The following MTREX variants were observed in gnomAD, a reference collection of about 807,000 sequenced individuals.
MTREX encodes exosome RNA helicase MTR4.
Under a neutral mutation model 135.4 loss-of-function variants are expected in MTREX, and 76 were observed. The ratio of observed to expected loss-of-function variants is 0.56; its 90% CI spans 0.47 to 0.68. The LOEUF (loss-of-function observed/expected upper bound fraction) is 0.68, where lower values mean the gene tolerates loss of function less well. Ranked by LOEUF, MTREX falls within the 30% of genes least tolerant of loss-of-function variation. The pLI is 0.00. For synonymous variants in MTREX, 404 were observed against 401.6 expected, an observed-to-expected ratio of 1.01 and a Z score of -0.07; for missense variants, 920 against 1,262.1, an observed-to-expected ratio of 0.73 and a Z score of 4.11.
In MTREX at chr5:55,343,327, TCAGAACG is replaced by T; in HGVS notation, c.782-3_785del. The T allele has an allele frequency of 6.2e-7, 1 of 1,603,450 alleles. No homozygotes were observed. The highest frequency in any genetic ancestry group is 8.5e-7 in the Non-Finnish European group (1 of 1,175,716). ...AGTCCAAAGTATATATTTATTTTTTTCAGAACGTGGTGTAGTATGGGAAGAAACTATT... is the reference window on the plus strand; with the variant it reads ...AGTCCAAAGTATATATTTATTTTTTTTGGTGTAGTATGGGAAGAAACTATT... On this transcript the variant is annotated splice_acceptor_variant and splice_polypyrimidine_tract_variant and coding_sequence_variant and intron_variant, in exon 8 of 27. Coordinates refer to ENST00000230640, the MANE Select transcript of MTREX (RefSeq NM_015360.5). LOFTEE classifies it high-confidence loss of function.
chr5:55,364,779 G>T (rs1750073501), intron 15 of MTREX, among the ~76,000 whole-genome samples: 1 of 151,940 alleles, frequency 6.6e-6, no homozygotes, highest in Non-Finnish European at 1.5e-5. Context: ...TGCAATAATT[G>T]ATTAAAAAGG....
chr5:55,336,309 G>A (rs1251344111), intron 5 of MTREX, among the ~76,000 whole-genome samples: 1 of 152,142 alleles, frequency 6.6e-6, no homozygotes, highest in Non-Finnish European at 1.5e-5. Context: ...GAGGAAGAAA[G>A]CATTCAGTCT....
chr5:55,400,860 C>G (rs1561209015), intron 21 of MTREX, among the ~76,000 whole-genome samples: 1 of 152,168 alleles, frequency 6.6e-6, no homozygotes, highest in Non-Finnish European at 1.5e-5. Context: ...ACAAATCTTT[C>G]TATCTGTATG....
At position 55,414,032 on chromosome 5, in the gene MTREX, A is replaced by C. The variant is rs116993917; in HGVS notation, c.2752-150A>C. Reference sequence around the variant, plus strand: ...TAGTGATTTTGCCTGTGTAAACTGAATTGATTAGAAACTCTAAATGCTGAT... The same window carrying C: ...TAGTGATTTTGCCTGTGTAAACTGACTTGATTAGAAACTCTAAATGCTGAT... On this transcript the variant is annotated intron_variant, in intron 23 of 26. Coordinates refer to ENST00000230640, the MANE Select transcript of MTREX (RefSeq NM_015360.5). The C allele has an allele frequency of 2.1e-3, 1,053 of 511,732 alleles. 28 individuals carry two copies. The East Asian group carries it at 0.033, about 16-fold the overall frequency. 31.7% of individuals were successfully genotyped at this position (511,732 alleles called of 1,614,324 possible).
Position 55,424,996 on chromosome 5 carries a change from G to T in MTREX, c.*224G>T. The T allele has an allele frequency of 1.4e-6, 1 of 708,690 alleles. No individual in the cohort carries two copies. Among genetic ancestry groups the T allele is most frequent in the Non-Finnish European group, 2.3e-6 (1 of 440,962 alleles). The allele number at this position is 708,690 out of a possible 1,614,324, so 43.9% of individuals were successfully genotyped here. A position where few individuals can be genotyped will look rare whatever the true frequency, so the allele number is the denominator to read the frequency against. ...AGGTGGGGCACTGTTTTGGTGGAAGGCTTGGAGTTTTTTTAATGAGTTTAG... is the reference window on the plus strand; with the variant it reads ...AGGTGGGGCACTGTTTTGGTGGAAGTCTTGGAGTTTTTTTAATGAGTTTAG... On this transcript the variant is annotated 3_prime_UTR_variant, in exon 27 of 27. Coordinates refer to ENST00000230640, the MANE Select transcript of MTREX (RefSeq NM_015360.5).
chr5:55,409,323 C>T (rs960482310), intron 22 of MTREX, among the ~76,000 whole-genome samples: 1 of 151,966 alleles, frequency 6.6e-6, no homozygotes, highest in Non-Finnish European at 1.5e-5. Flanking sequence ...AGTTATGTAA[C>T]GTCTATGATA....
chr5:55,389,620 A>G (rs550515940), intron 19 of MTREX, among the ~76,000 whole-genome samples: 1 of 152,268 alleles, frequency 6.6e-6, no homozygotes, highest in East Asian at 1.9e-4. Context: ...TTTATAAAGG[A>G]AGTAGTGAGA....
rs1749402659 is a variant in MTREX, at chr5:55,327,542, T to C, written c.340-174T>C. On this transcript the variant is annotated intron_variant, in intron 3 of 26. Transcript: ENST00000230640. ...GTAATTTCTGAGTGTTGAAACTAGCTTTTTGCCTTGTTCTTAAAGACAGTT... is the reference window on the plus strand; with the variant it reads ...GTAATTTCTGAGTGTTGAAACTAGCCTTTTGCCTTGTTCTTAAAGACAGTT... The C allele has an allele frequency of 9.0e-6, 5 of 553,850 alleles. No homozygotes were observed. In the South Asian group the frequency reaches 1.2e-4, roughly 14 times the overall value. The allele number at this position is 553,850 out of a possible 1,614,324, so 34.3% of individuals were successfully genotyped here.
intron 22 of MTREX, 51 bp from the exon 23 acceptor site, chr5:55,410,465 TGTGTGTGC>T: frequency 1.1e-6 from 1 of 905,100 alleles, no homozygotes; most frequent in Middle Eastern, 2.2e-4. Flanking sequence ...TAAGGGCATA[TGTGTGTGC>T]ATGTGTGTCT....
At position 55,343,311 on chromosome 5, in the gene MTREX, T is replaced by A; in HGVS notation, c.782-20T>A. On this transcript the variant is annotated intron_variant, in intron 7 of 26. Transcript: ENST00000230640. The stretch of plus-strand genomic sequence containing the variant: ...ACTGTAGTCCAACTATAGTCCAAAG[T>A]ATATATTTATTTTTTTCAGAACGTG... The A allele has an allele frequency of 1.3e-6, 2 of 1,595,738 alleles. No individual in the cohort carries two copies. The highest frequency in any genetic ancestry group is 1.7e-6 in the Non-Finnish European group (2 of 1,169,970).
chr5:55,344,412 G>T, intron 8 of MTREX, 110 bp from the exon 9 acceptor site: 1 of 703,442 alleles, frequency 1.4e-6, no homozygotes. Context: ...TTTTCTTTTT[G>T]AAATGTTGAA....
intron 14 of MTREX, among the ~76,000 whole-genome samples, chr5:55,355,530 G>A (rs1426817785): frequency 2.0e-5 from 3 of 152,160 alleles, no homozygotes; most frequent in African/African-American, 7.2e-5. Context: ...GAGGGTGGTA[G>A]GCTGGTGGGC....
At chr5:55,397,092 T>C (rs1012750897) in intron 19 of MTREX, among the ~76,000 whole-genome samples, 2 of 152,232 alleles carry the variant, frequency 1.3e-5, no homozygotes, top group South Asian at 4.1e-4. Flanking sequence ...AGTACCTTTA[T>C]GTATTAATAT....
At chr5:55,403,696 A>G (rs1035790565) in intron 21 of MTREX, among the ~76,000 whole-genome samples, 9 of 152,196 alleles carry the variant, frequency 5.9e-5, no homozygotes, top group African/African-American at 1.7e-4. Flanking sequence ...TAGGCCTGAT[A>G]AGTCATGCTA....
At chr5:55,316,736 C>T (rs535748583) in intron 1 of MTREX, among the ~76,000 whole-genome samples, 1 of 152,248 alleles carries the variant, frequency 6.6e-6, no homozygotes, top group South Asian at 2.1e-4. Context: ...GGCAAGGCTG[C>T]CCTCTCTCAC....
At chr5:55,346,038 C>T (rs570661236) in intron 10 of MTREX, among the ~76,000 whole-genome samples, 1 of 152,210 alleles carries the variant, frequency 6.6e-6, no homozygotes, top group Non-Finnish European at 1.5e-5. Context: ...TATGGATATA[C>T]CACATTTTGT....
intron 16 of MTREX, among the ~76,000 whole-genome samples, chr5:55,370,377 A>G (rs1750176696): frequency 6.6e-6 from 1 of 152,104 alleles, no homozygotes; most frequent in Non-Finnish European, 1.5e-5. Context: ...AGACATTTCC[A>G]TCTCATGTCC....
chr5:55,367,625 A>G (rs545624554), intron 16 of MTREX, among the ~76,000 whole-genome samples: 76 of 152,326 alleles, frequency 5.0e-4, no homozygotes, highest in Non-Finnish European at 7.9e-4. Flanking sequence ...GCTTTTTGGA[A>G]TTTTCAGTTC....
intron 19 of MTREX, among the ~76,000 whole-genome samples, chr5:55,395,113 A>G (rs190308666): frequency 5.4e-4 from 81 of 150,614 alleles, no homozygotes; most frequent in Middle Eastern, 3.6e-3. Flanking sequence ...TATATAAAAT[A>G]TAAAGGAAAT....
Sources: allele counts gnomAD v4.1 joint callset (sites outside exome capture counted in the v4.1 genomes callset), GRCh38; gene constraint gnomAD v4.1.1; transcripts MANE v1.5; gene names NCBI Gene and HGNC (gene_info 2026-07-23, HGNC 2026-07-21).